Variants in C2orf69 observed in about 807,000 individuals in gnomAD.
The protein encoded by C2orf69 is chromosome 2 open reading frame 69.
Under a neutral mutation model 29.5 loss-of-function variants are expected in C2orf69, and 19 were observed. The ratio of observed to expected loss-of-function variants is 0.65; its 90% CI spans 0.45 to 0.95. C2orf69 has a LOEUF of 0.95. Among genes scored for constraint, C2orf69 ranks in the 40% least tolerant of loss-of-function variants. C2orf69 has a pLI of 0.00. For missense variants in C2orf69, 416 were observed against 482.1 expected (o/e 0.86, Z 1.28); for synonymous variants, 194 against 180.0 (o/e 1.08, Z -0.62).
intron 1 of C2orf69, among the ~76,000 whole-genome samples, chr2:199,914,933 A>G (rs2077287642): frequency 6.6e-6 from 1 of 152,024 alleles, no homozygotes; most frequent in Admixed American, 6.6e-5. Context: ...CATTGCATTT[A>G]CTATACTAGT....
rs1355938794 is a variant in C2orf69, at chr2:199,926,234, G to GT, written c.*352dup. On this transcript the variant is annotated 3_prime_UTR_variant, in exon 2 of 2. Coordinates refer to ENST00000319974, the MANE Select transcript of C2orf69 (RefSeq NM_153689.6). ...GGAAATAACTGATTTTCTGAGTAAT[G>GT]TTTTAAACTAATTTGGTGACATTTT... 1.1e-5 allele frequency: 2 copies of GT among 187,252 alleles called. No individual in the cohort carries two copies. The highest frequency in any genetic ancestry group is 2.6e-4 in the East Asian group (2 of 7,652). 11.6% of individuals were successfully genotyped at this position (187,252 alleles called of 1,614,324 possible).
In C2orf69 at chr2:199,913,752, C is replaced by T. The variant is rs116373873; in HGVS notation, c.333+1981C>T. Among the ~76,000 whole-genome samples the T allele has an allele frequency of 4.5e-3, 689 of 151,450 alleles. 10 individuals are homozygous for T. The highest frequency in any genetic ancestry group is 4.6e-3 in the East Asian group (24 of 5,172). ...TTGGGAAAATAACATGTGACATTTC[C>T]GACTATGACTGCCAGAATAATTTTG... is the stretch of plus-strand genomic sequence containing the variant. On this transcript the variant is annotated intron_variant, in intron 1 of 1. Transcript: ENST00000319974.
At chr2:199,917,040 C>T (rs1046812718) in intron 1 of C2orf69, among the ~76,000 whole-genome samples, 4 of 152,170 alleles carry the variant, frequency 2.6e-5, no homozygotes, top group Admixed American at 1.3e-4. Flanking sequence ...AGAGGTTCCC[C>T]AACCTCAATT....
chr2:199,927,245 T>C lies in C2orf69; in HGVS notation c.*1359T>C, dbSNP rs1207694417. 1 of 151,612 alleles carries C rather than the reference T, an allele frequency of 6.6e-6. No homozygotes were observed. The highest frequency in any genetic ancestry group is 1.5e-5 in the Non-Finnish European group (1 of 67,920). 9.4% of individuals were successfully genotyped at this position (151,612 alleles called of 1,614,324 possible). ...ACAATAAAAGGTGAGCAGTTTGTTGTTTATTAATAATTAGCTTTTGCAGGT... is the reference window on the plus strand; with the variant it reads ...ACAATAAAAGGTGAGCAGTTTGTTGCTTATTAATAATTAGCTTTTGCAGGT... On this transcript the variant is annotated 3_prime_UTR_variant, in exon 2 of 2. Transcript: ENST00000319974.
At position 199,925,452 on chromosome 2, in the gene C2orf69, G is replaced by A; in HGVS notation, c.724G>A (p.Asp242Asn). The A allele has an allele frequency of 6.2e-7, 1 of 1,613,802 alleles. No individual in the cohort carries two copies. The highest frequency in any genetic ancestry group is 8.5e-7 in the Non-Finnish European group (1 of 1,179,874). ...AAAAGTGAGGACCTGTGAAAAATCT[G>A]ATGAGTCTGCCATGAGTTTTTATCC... ...GEKVRTCEKS[D>N]ESAMSFYPPS... Residue 242 changes from aspartate to asparagine, a missense_variant, in exon 2 of 2, where the codon GAT becomes AAT. Coordinates refer to ENST00000319974, the MANE Select transcript of C2orf69 (RefSeq NM_153689.6). The surrounding 1 kb of genome is among the most constrained non-coding windows in gnomAD (Gnocchi z 4.9).
At chr2:199,914,432 CTG>C (rs2106636342) in intron 1 of C2orf69, among the ~76,000 whole-genome samples, 1 of 152,258 alleles carries the variant, frequency 6.6e-6, no homozygotes, top group East Asian at 1.9e-4. Context: ...TCCATTAGAA[CTG>C]TCTTTCATAC....
Position 199,925,395 on chromosome 2 carries a change from CCTT to C in C2orf69, c.670_672del (p.Ser224del). On this transcript the variant is annotated inframe_deletion, in exon 2 of 2. Coordinates refer to ENST00000319974, the MANE Select transcript of C2orf69 (RefSeq NM_153689.6). This position sits in a 1 kb window ranked among gnomAD's most constrained non-coding sequence, Gnocchi z 4.9. ...CATAGCATCTAACTGTAGATCCAGT[CCTT>C]CTCATACTACGAATGGTTGCCAGGG... The C allele has an allele frequency of 6.2e-7, 1 of 1,613,674 alleles. No homozygotes were observed. The highest frequency in any genetic ancestry group is 1.1e-5 in the South Asian group (1 of 91,064).
intron 1 of C2orf69, among the ~76,000 whole-genome samples, chr2:199,912,245 G>T (rs2077266977): frequency 6.6e-6 from 1 of 152,172 alleles, no homozygotes; most frequent in Non-Finnish European, 1.5e-5. Context: ...CTAAAAAAGA[G>T]TGGGGATGGG....
rs1308760552 is a variant in C2orf69 at position 199,911,347 on chromosome 2, TTGAGCCGCCGGC to T, written c.-82_-71del. ...CCGGCCGGGCCGCGGCCGCCGACCG[TTGAGCCGCCGGC>T]TGAGCCGCCTGCTGAAGTCCCTCCC... On this transcript the variant is annotated 5_prime_UTR_variant, in exon 1 of 2. Coordinates refer to ENST00000319974, the MANE Select transcript of C2orf69 (RefSeq NM_153689.6). 6.7e-6 allele frequency: 9 copies of T among 1,347,708 alleles called. No individual in the cohort carries two copies. Among genetic ancestry groups the T allele is most frequent in the Admixed American group, 7.6e-5 (2 of 26,358 alleles). The allele number at this position is 1,347,708 out of a possible 1,614,324, so 83.5% of individuals were successfully genotyped here.
chr2:199,912,928 A>T (rs943782375), intron 1 of C2orf69, among the ~76,000 whole-genome samples: 1 of 151,746 alleles, frequency 6.6e-6, no homozygotes, highest in African/African-American at 2.4e-5. Flanking sequence ...GGTGTGAGCC[A>T]CCGCGCCCGG....
intron 1 of C2orf69, among the ~76,000 whole-genome samples, chr2:199,913,160 T>A (rs546367036): frequency 7.6e-5 from 9 of 118,656 alleles, no homozygotes; most frequent in South Asian, 2.3e-4. Context: ...ATATATTATT[T>A]TATATATATA....
intron 1 of C2orf69, among the ~76,000 whole-genome samples, chr2:199,922,359 G>A (rs2077320332): frequency 6.6e-6 from 1 of 151,996 alleles, no homozygotes; most frequent in South Asian, 2.1e-4. Context: ...CGCCCAAAGT[G>A]CTGAGATTAT....
intron 1 of C2orf69, among the ~76,000 whole-genome samples, chr2:199,924,690 A>G (rs1039283886): frequency 1.4e-4 from 21 of 152,202 alleles, no homozygotes; most frequent in African/African-American, 9.6e-5. Flanking sequence ...CAAAAAGTCT[A>G]TCTAGTGAAC....
chr2:199,911,348 T>A lies in C2orf69; in HGVS notation c.-91T>A. ...CGGCCGGGCCGCGGCCGCCGACCGT[T>A]GAGCCGCCGGCTGAGCCGCCTGCTG... is the stretch of plus-strand genomic sequence containing the variant. On this transcript the variant is annotated 5_prime_UTR_variant, in exon 1 of 2. Coordinates refer to ENST00000319974, the MANE Select transcript of C2orf69 (RefSeq NM_153689.6). 1 of 1,359,176 alleles carries A rather than the reference T, an allele frequency of 7.4e-7. No individual in the cohort carries two copies. Among genetic ancestry groups the A allele is most frequent in the Non-Finnish European group, 9.4e-7 (1 of 1,059,828 alleles). The allele number at this position is 1,359,176 out of a possible 1,614,324, so 84.2% of individuals were successfully genotyped here. A position where few individuals can be genotyped will look rare whatever the true frequency, so the allele number is the denominator to read the frequency against.
At chr2:199,921,646 C>T (rs1375190899) in intron 1 of C2orf69, among the ~76,000 whole-genome samples, 1 of 151,974 alleles carries the variant, frequency 6.6e-6, no homozygotes, top group African/African-American at 2.4e-5. Flanking sequence ...AGATGTCTAA[C>T]AATTATGATG....
At chr2:199,913,254 A>G (rs2077277747) in intron 1 of C2orf69, among the ~76,000 whole-genome samples, 1 of 95,270 alleles carries the variant, frequency 1.0e-5, no homozygotes. Flanking sequence ...TATATATTAT[A>G]TAAAATATAT....
intron 1 of C2orf69, among the ~76,000 whole-genome samples, chr2:199,922,461 C>G (rs943628807): frequency 1.3e-5 from 2 of 151,998 alleles, no homozygotes; most frequent in African/African-American, 4.8e-5. Flanking sequence ...ATTTTACAAC[C>G]CATAGGAGTA....
In C2orf69 at chr2:199,927,902, C is replaced by G. The variant is rs902143010; in HGVS notation, c.*2016C>G. Reference sequence around the variant, plus strand: ...TTAAAAATAATTTTAAAAAATCAGACATATTTAAAAATCTAGGTTGTCTAT... The same window carrying G: ...TTAAAAATAATTTTAAAAAATCAGAGATATTTAAAAATCTAGGTTGTCTAT... On this transcript the variant is annotated 3_prime_UTR_variant, in exon 2 of 2. Transcript: ENST00000319974. 3 of 152,110 alleles carry G rather than the reference C, an allele frequency of 2.0e-5. No homozygotes were observed. Among genetic ancestry groups the G allele is most frequent in the Non-Finnish European group, 4.4e-5 (3 of 67,920 alleles). 9.4% of individuals were successfully genotyped at this position (152,110 alleles called of 1,614,324 possible). A position where few individuals can be genotyped will look rare whatever the true frequency, so the allele number is the denominator to read the frequency against.
Position 199,924,756 on chromosome 2 carries a change from A to G in C2orf69, c.334-306A>G, listed in dbSNP as rs549572890. ...AAAATTGATTATATGTATATACTAAATAAAATTTGTTAAACATACCTATAA... is the reference window on the plus strand; with the variant it reads ...AAAATTGATTATATGTATATACTAAGTAAAATTTGTTAAACATACCTATAA... On this transcript the variant is annotated intron_variant, in intron 1 of 1. Coordinates refer to ENST00000319974, the MANE Select transcript of C2orf69 (RefSeq NM_153689.6). Among the ~76,000 whole-genome samples the G allele has an allele frequency of 3.4e-3, 516 of 152,278 alleles. 5 individuals are homozygous for G. The highest frequency in any genetic ancestry group is 0.011 in the African/African-American group (478 of 41,566).
Sources: allele counts gnomAD v4.1 joint callset (sites outside exome capture counted in the v4.1 genomes callset), GRCh38; gene constraint gnomAD v4.1.1; non-coding constraint Gnocchi (gnomAD v3.1); transcripts MANE v1.5; gene names NCBI Gene and HGNC (gene_info 2026-07-23, HGNC 2026-07-21).